The following RCL1 variants were observed in gnomAD, a reference collection of about 807,000 sequenced individuals.
RCL1 encodes the protein RNA terminal phosphate cyclase like 1.
RCL1 carries 24 observed loss-of-function variants against 42.4 expected under a neutral mutation model. The observed-to-expected ratio is 0.57, with a 90% CI of 0.41 to 0.80. The LOEUF is 0.80. Among genes scored for constraint, RCL1 ranks in the 30% least tolerant of loss-of-function variants. The probability of loss-of-function intolerance (pLI) is 0.00; values close to 1 mark genes in which losing one functional copy is unlikely to be tolerated. For missense variants in RCL1, 578 were observed against 467.9 expected, an observed-to-expected ratio of 1.24 and a Z score of -2.17; for synonymous variants, 228 against 177.3, an observed-to-expected ratio of 1.29 and a Z score of -2.27.
At position 4,841,349 on chromosome 9, in the gene RCL1, C is replaced by G. The variant is rs1378473596; in HGVS notation, c.702C>G (p.Asn234Lys). ...YIYTDHMKGV[N>K]SGKSPGFGLS... Reference sequence around the variant, plus strand: ...ACACAGATCACATGAAAGGAGTCAACTCTGGGAAGTAAGTATCTGTGTTTT... The same window carrying G: ...ACACAGATCACATGAAAGGAGTCAAGTCTGGGAAGTAAGTATCTGTGTTTT... The change falls in exon 6 of 9, where the codon AAC becomes AAG. Residue 234 changes from asparagine (N) to lysine (K), a missense_variant. Asn to Lys is a moderately conservative substitution (Grantham distance 94, BLOSUM62 0). Coordinates refer to ENST00000381750, the MANE Select transcript of RCL1 (RefSeq NM_005772.5). 2 of 1,611,234 alleles carry G rather than the reference C, an allele frequency of 1.2e-6. No homozygotes were observed. The highest frequency in any genetic ancestry group is 1.7e-6 in the Non-Finnish European group (2 of 1,177,632).
At chr9:4,849,018 T>C (rs1416244341) in intron 7 of RCL1, among the ~76,000 whole-genome samples, 1 of 152,114 alleles carries the variant, frequency 6.6e-6, no homozygotes, top group African/African-American at 2.4e-5. Flanking sequence ...TGTTGTTCTG[T>C]GACAGATTCA....
At chr9:4,809,305 C>G (rs969992605) in intron 1 of RCL1, among the ~76,000 whole-genome samples, 81 of 148,802 alleles carry the variant, frequency 5.4e-4, no homozygotes, top group African/African-American at 1.8e-3. Context: ...CTAGAGACTC[C>G]TTTTTTTTTT....
intron 7 of RCL1, among the ~76,000 whole-genome samples, chr9:4,848,233 C>G (rs1817587164): frequency 6.6e-6 from 1 of 152,302 alleles, no homozygotes. Context: ...CTCTCCTTGT[C>G]CTAGAATTTG....
chr9:4,834,471 C>CTTTTTTTTTTTTTTTTTTTTTT (rs5896097), intron 5 of RCL1, among the ~76,000 whole-genome samples: 1 of 128,432 alleles, frequency 7.8e-6, no homozygotes, highest in Non-Finnish European at 1.6e-5. Flanking sequence ...TTGAGTCATT[C>CTTTTTTTTTTTTTTTTTTTTTT]TTTTTTTTTT....
At chr9:4,852,026 C>T (rs1817770512) in intron 8 of RCL1, among the ~76,000 whole-genome samples, 1 of 152,050 alleles carries the variant, frequency 6.6e-6, no homozygotes, top group South Asian at 2.1e-4. Context: ...GGACTACAGG[C>T]ACCCGCCACC....
chr9:4,846,325 G>A (rs1196018812), intron 7 of RCL1, among the ~76,000 whole-genome samples: 1 of 152,206 alleles, frequency 6.6e-6, no homozygotes, highest in Non-Finnish European at 1.5e-5. Context: ...CCTCTACTCG[G>A]CATTCACCTG....
intron 5 of RCL1, among the ~76,000 whole-genome samples, chr9:4,835,912 G>T (rs1356994409): frequency 1.3e-5 from 2 of 152,302 alleles, no homozygotes; most frequent in East Asian, 1.9e-4. Flanking sequence ...CTTGAGAGGG[G>T]ATGGATTCAA....
At chr9:4,834,527 G>A (rs1455231516) in intron 5 of RCL1, among the ~76,000 whole-genome samples, 1 of 141,318 alleles carries the variant, frequency 7.1e-6, no homozygotes, top group Non-Finnish European at 1.5e-5. Flanking sequence ...TGGCTCTGAT[G>A]TATGTGATCC....
At chr9:4,844,721 A>G in intron 7 of RCL1, 40 bp downstream of exon 7, 2 of 1,581,926 alleles carry the variant, frequency 1.3e-6, no homozygotes, top group Non-Finnish European at 1.7e-6. Flanking sequence ...GTGACCAGGA[A>G]GCAGTTTGTT....
intron 1 of RCL1, among the ~76,000 whole-genome samples, chr9:4,818,259 G>C (rs1363778531): frequency 1.3e-5 from 2 of 151,860 alleles, no homozygotes; most frequent in Admixed American, 1.3e-4. Context: ...TTTTTCTTTG[G>C]TAGAATCTCA....
intron 1 of RCL1, among the ~76,000 whole-genome samples, chr9:4,806,018 GT>G (rs199844948): frequency 1.6e-3 from 42 of 26,092 alleles, no homozygotes; most frequent in South Asian, 0.013. Flanking sequence ...TACCATTGGG[GT>G]GTGTGTGTGT....
At position 4,859,126 on chromosome 9, in the gene RCL1, C is replaced by T. The variant is rs540324447; in HGVS notation, c.972-999C>T. ...CAGGCTAGCTGGGGTGACGCTAGGTCTGCCAGGCGAGACCATTAGAAGCCT... is the reference window on the plus strand; with the variant it reads ...CAGGCTAGCTGGGGTGACGCTAGGTTTGCCAGGCGAGACCATTAGAAGCCT... On this transcript the variant is annotated intron_variant, in intron 8 of 8. Coordinates refer to ENST00000381750, the MANE Select transcript of RCL1 (RefSeq NM_005772.5). 3.3e-5 allele frequency among the ~76,000 whole-genome samples: 5 copies of T among 152,336 alleles called. No individual in the cohort carries two copies. The East Asian group carries it at 9.6e-4, about 29-fold the overall frequency.
intron 7 of RCL1, 43 bp from the exon 8 acceptor site, chr9:4,849,403 CT>C (rs1419539490): frequency 1.4e-5 from 21 of 1,463,516 alleles, no homozygotes; most frequent in Non-Finnish European, 2.0e-5. Flanking sequence ...CTTTTGTTGG[CT>C]TTCCATTTTC....
intron 1 of RCL1, 84 bp downstream of exon 1, chr9:4,793,311 G>A (rs953497369): frequency 7.1e-7 from 1 of 1,414,640 alleles, no homozygotes; most frequent in Non-Finnish European, 9.3e-7. Context: ...GCGCGGTGTT[G>A]GTTGGGCGGC....
rs1227108631 is a variant in RCL1, at chr9:4,849,357, ATGAGTG to A, written c.868-88_868-83del. 5 of 880,324 alleles carry A rather than the reference ATGAGTG, an allele frequency of 5.7e-6. No individual in the cohort carries two copies. The African/African-American group carries it at 8.4e-5, about 15-fold the overall frequency. The allele number at this position is 880,324 out of a possible 1,614,324, so 54.5% of individuals were successfully genotyped here. A position where few individuals can be genotyped will look rare whatever the true frequency, so the allele number is the denominator to read the frequency against. On this transcript the variant is annotated intron_variant, in intron 7 of 8. Coordinates refer to ENST00000381750, the MANE Select transcript of RCL1 (RefSeq NM_005772.5). ...TGCTTGAACTTTGGATTTTGATATT[ATGAGTG>A]TATGTTTCTGGTTTTTTTTTTCCTC... is the stretch of plus-strand genomic sequence containing the variant.
intron 1 of RCL1, among the ~76,000 whole-genome samples, chr9:4,797,742 A>T (rs753928483): frequency 2.0e-5 from 3 of 152,186 alleles, no homozygotes; most frequent in Non-Finnish European, 4.4e-5. Context: ...ATGTGACACC[A>T]AGAAGACTAC....
intron 1 of RCL1, among the ~76,000 whole-genome samples, chr9:4,796,463 A>G (rs559654769): frequency 6.6e-6 from 1 of 152,302 alleles, no homozygotes; most frequent in Non-Finnish European, 1.5e-5. Flanking sequence ...TGGTGTGATC[A>G]TGGCTCACTG....
chr9:4,830,177 C>G (rs1816901296), intron 3 of RCL1, among the ~76,000 whole-genome samples: 3 of 152,134 alleles, frequency 2.0e-5, no homozygotes, highest in Admixed American at 2.0e-4. Context: ...TTTTATTGAC[C>G]TTTGAGAGAA....
chr9:4,819,773 C>G (rs546207075), intron 1 of RCL1, among the ~76,000 whole-genome samples: 1 of 152,366 alleles, frequency 6.6e-6, no homozygotes, highest in African/African-American at 2.4e-5. Context: ...CGCCACTGCA[C>G]TCCAGCCTGG....
Sources: allele counts gnomAD v4.1 joint callset (sites outside exome capture counted in the v4.1 genomes callset), GRCh38; gene constraint gnomAD v4.1.1; transcripts MANE v1.5; gene names NCBI Gene and HGNC (gene_info 2026-07-23, HGNC 2026-07-21).